Variants in GPC6 observed in about 807,000 individuals in gnomAD.
GPC6 encodes glypican 6.
Under a neutral mutation model 55.2 loss-of-function variants are expected in GPC6, and 14 were observed. The observed-to-expected ratio is 0.25, with a 90% confidence interval of 0.17 to 0.40. The LOEUF is 0.40. Among genes scored for constraint, GPC6 ranks in the 10% least tolerant of loss-of-function variants. The pLI, the probability that GPC6 is intolerant of heterozygous loss-of-function variation, is 1.00. For synonymous variants in GPC6, 278 were observed against 259.6 expected (o/e 1.07, Z -0.68); for missense variants, 641 against 708.5 (o/e 0.90, Z 1.08).
intron 6 of GPC6, among the ~76,000 whole-genome samples, chr13:94,362,996 A>G (rs1426108342): frequency 6.6e-6 from 1 of 152,110 alleles, no homozygotes; most frequent in East Asian, 1.9e-4. Context: ...CTACGTTTTA[A>G]GCCCCACATG....
At chr13:93,689,943 T>TTAGA (rs1309842907) in intron 2 of GPC6, among the ~76,000 whole-genome samples, 2 of 152,140 alleles carry the variant, frequency 1.3e-5, no homozygotes, top group Non-Finnish European at 1.5e-5. Context: ...CCAGTATCTG[T>TTAGA]TAGATTGCTT....
At chr13:93,425,913 C>A (rs1325907921) in intron 1 of GPC6, among the ~76,000 whole-genome samples, 2 of 152,132 alleles carry the variant, frequency 1.3e-5, no homozygotes, top group Admixed American at 1.3e-4. Context: ...GCCCTGCAGC[C>A]CACGGCTTTA....
At chr13:93,226,780 T>C (rs1005214075), upstream of GPC6, 12 of 152,216 alleles carry the variant, frequency 7.9e-5, no homozygotes, top group East Asian at 3.9e-4. Flanking sequence ...GGCTGTGCAA[T>C]GTGTAGCACG....
chr13:93,406,445 TA>T (rs1236863492), intron 1 of GPC6, among the ~76,000 whole-genome samples: 1 of 152,164 alleles, frequency 6.6e-6, no homozygotes, highest in Non-Finnish European at 1.5e-5. Context: ...CTGTCCCCAT[TA>T]GTCTGTCTCC....
intron 4 of GPC6, among the ~76,000 whole-genome samples, chr13:94,193,018 T>C (rs1375268781): frequency 6.6e-6 from 1 of 152,020 alleles, no homozygotes; most frequent in Non-Finnish European, 1.5e-5. Flanking sequence ...AAGAGCTCTA[T>C]GGGAAAACAT....
rs141470503 is a variant in GPC6 at position 93,362,230 on chromosome 13, T to C, written c.160+134614T>C. On this transcript the variant is annotated intron_variant, in intron 1 of 8. Coordinates refer to ENST00000377047, the MANE Select transcript of GPC6 (RefSeq NM_005708.5). ...AGCTCCTCAAACATCAGATTGTCTC[T>C]GCCCAGTTCTTCCTGGAGAGAATTT... Among the ~76,000 whole-genome samples the C allele has an allele frequency of 4.2e-3, 646 of 152,320 alleles. 2 individuals carry two copies. The highest frequency in any genetic ancestry group is 0.015 in the African/African-American group (626 of 41,566).
chr13:93,981,921 C>T (rs1880821575), intron 3 of GPC6, among the ~76,000 whole-genome samples: 1 of 152,058 alleles, frequency 6.6e-6, no homozygotes, highest in South Asian at 2.1e-4. Flanking sequence ...CCATGTGACC[C>T]AATTTCTTAT....
intron 4 of GPC6, among the ~76,000 whole-genome samples, chr13:94,282,433 C>T (rs1206508921): frequency 6.6e-6 from 1 of 152,200 alleles, no homozygotes; most frequent in Non-Finnish European, 1.5e-5. Context: ...AACAGGATAA[C>T]TGCCCCCATG....
intron 1 of GPC6, among the ~76,000 whole-genome samples, chr13:93,469,729 G>A (rs1381613439): frequency 3.3e-5 from 5 of 152,112 alleles, no homozygotes; most frequent in Non-Finnish European, 7.4e-5. Context: ...TGGATTCTAT[G>A]TTTAGATCTG....
intron 4 of GPC6, among the ~76,000 whole-genome samples, chr13:94,028,767 C>G (rs1883002639): frequency 1.3e-5 from 2 of 152,124 alleles, no homozygotes; most frequent in African/African-American, 4.8e-5. Flanking sequence ...TGAATCAAGG[C>G]TCTGTTCTTG....
At chr13:94,303,450 T>A (rs1255030414) in intron 5 of GPC6, among the ~76,000 whole-genome samples, 3 of 152,176 alleles carry the variant, frequency 2.0e-5, no homozygotes, top group East Asian at 3.9e-4. Context: ...GAAATCCAGC[T>A]AGTCCTGTCT....
At chr13:94,102,300 T>G (rs544501852) in intron 4 of GPC6, among the ~76,000 whole-genome samples, 84 of 152,144 alleles carry the variant, frequency 5.5e-4, no homozygotes, top group Non-Finnish European at 8.8e-4. Flanking sequence ...CTGACAAAAG[T>G]GTCAAGTGAG....
chr13:93,674,340 T>C (rs1881493121), intron 2 of GPC6, among the ~76,000 whole-genome samples: 1 of 152,186 alleles, frequency 6.6e-6, no homozygotes, highest in Admixed American at 6.6e-5. Context: ...CTTTCTAAAG[T>C]AGCTTGGTTC....
At chr13:94,377,126 G>A (rs1194049464) in intron 6 of GPC6, among the ~76,000 whole-genome samples, 1 of 150,646 alleles carries the variant, frequency 6.6e-6, no homozygotes, top group East Asian at 1.9e-4. Flanking sequence ...TTACCATTCA[G>A]GACATAGGCA....
intron 1 of GPC6, among the ~76,000 whole-genome samples, chr13:93,514,604 C>G (rs1250945645): frequency 6.6e-6 from 1 of 152,182 alleles, no homozygotes; most frequent in African/African-American, 2.4e-5. Context: ...TATACAGATT[C>G]TCCTGCGTAT....
At chr13:93,509,238 G>A (rs574604142) in intron 1 of GPC6, among the ~76,000 whole-genome samples, 1 of 152,218 alleles carries the variant, frequency 6.6e-6, no homozygotes, top group East Asian at 1.9e-4. Context: ...TTTATTGATG[G>A]CCATTTTATC....
chr13:94,109,887 T>C (rs774376418), intron 4 of GPC6, among the ~76,000 whole-genome samples: 4 of 152,040 alleles, frequency 2.6e-5, no homozygotes, highest in Non-Finnish European at 2.9e-5. Flanking sequence ...TAAAGTGTTC[T>C]AGTCATTGTG....
chr13:94,379,607 C>G (rs1024238190), intron 6 of GPC6, among the ~76,000 whole-genome samples: 3 of 152,128 alleles, frequency 2.0e-5, no homozygotes, highest in African/African-American at 7.2e-5. Flanking sequence ...CAGTCTATGA[C>G]CTTGTAATAG....
chr13:94,355,492 T>C (rs149030416), intron 6 of GPC6, among the ~76,000 whole-genome samples: 1 of 152,316 alleles, frequency 6.6e-6, no homozygotes, highest in East Asian at 1.9e-4. Flanking sequence ...ACTGAAAGTG[T>C]AAAAATGCAA....
Sources: allele counts gnomAD v4.1 joint callset (sites outside exome capture counted in the v4.1 genomes callset), GRCh38; gene constraint gnomAD v4.1.1; transcripts MANE v1.5; gene names NCBI Gene and HGNC (gene_info 2026-07-23, HGNC 2026-07-21).